The following MAK16 variants were observed in gnomAD, a reference collection of about 807,000 sequenced individuals.
MAK16 encodes MAK16 homolog, also known as protein MAK16 homolog.
In MAK16, 12 loss-of-function variants were observed where a neutral mutation model predicts 49.9. The observed-to-expected ratio is 0.24, with a 90% confidence interval of 0.15 to 0.39. MAK16 has a LOEUF of 0.39. MAK16 is among the 10% of genes least tolerant of loss of function. The pLI is 1.00. For synonymous variants in MAK16, 115 were observed against 126.4 expected (o/e 0.91, Z 0.60); for missense variants, 292 against 363.7 (o/e 0.80, Z 1.60).
rs1275239478 is a variant in MAK16 at position 33,489,590 on chromosome 8, G to T, written c.392+451G>T. Among the ~76,000 whole-genome samples, 1 of 152,060 alleles carries T rather than the reference G, an allele frequency of 6.6e-6. No homozygotes were observed. Among genetic ancestry groups the T allele is most frequent in the Non-Finnish European group, 1.5e-5 (1 of 68,020 alleles). On this transcript the variant is annotated intron_variant, in intron 5 of 9. Coordinates refer to ENST00000360128, the MANE Select transcript of MAK16 (RefSeq NM_032509.4). This position sits in a 1 kb window ranked among gnomAD's most constrained non-coding sequence, Gnocchi z 4.2. ...AGATGGGGTTTCACCATGTTGGCCA[G>T]GCTGGTCTAGAATTCCTGACCTCAA... is the stretch of plus-strand genomic sequence containing the variant.
chr8:33,496,127 C>T (rs1808854958), intron 7 of MAK16, among the ~76,000 whole-genome samples: 1 of 152,108 alleles, frequency 6.6e-6, no homozygotes, highest in African/African-American at 2.4e-5. Flanking sequence ...GAGACCTTTC[C>T]CTTTTTGCCA....
chr8:33,492,650 A>G (rs1808795899), intron 6 of MAK16, among the ~76,000 whole-genome samples: 1 of 152,054 alleles, frequency 6.6e-6, no homozygotes, highest in Non-Finnish European at 1.5e-5. Context: ...TATTGAAGAG[A>G]CTGTCTTTTC....
intron 1 of MAK16, among the ~76,000 whole-genome samples, chr8:33,485,961 G>A (rs1357910937): frequency 6.6e-6 from 1 of 152,158 alleles, no homozygotes; most frequent in African/African-American, 2.4e-5. Flanking sequence ...TTTGAGTTGA[G>A]ATCTAAAAGA....
intron 5 of MAK16, among the ~76,000 whole-genome samples, chr8:33,490,020 A>C (rs2676402): frequency 0.022 from 3,385 of 152,262 alleles, 60 homozygotes; most frequent in East Asian, 0.078. Flanking sequence ...AATACATGTA[A>C]AAATATATGA....
In MAK16 at chr8:33,499,583, C is replaced by G; in HGVS notation, c.*954C>G. 2 of 278,998 alleles carry G rather than the reference C, an allele frequency of 7.2e-6. No homozygotes were observed. The highest frequency in any genetic ancestry group is 1.4e-5 in the Non-Finnish European group (2 of 146,104). 17.3% of individuals were successfully genotyped at this position (278,998 alleles called of 1,614,324 possible). A position where few individuals can be genotyped will look rare whatever the true frequency, so the allele number is the denominator to read the frequency against. On this transcript the variant is annotated 3_prime_UTR_variant, in exon 10 of 10. Coordinates refer to ENST00000360128, the MANE Select transcript of MAK16 (RefSeq NM_032509.4). ...TTGGATCTAGGGCTTGAAAACTGCC[C>G]AAGATTAAAGAGCTAAGATGAAATA...
chr8:33,496,883 T>C, intron 8 of MAK16, 142 bp downstream of exon 8: 1 of 646,464 alleles, frequency 1.5e-6, no homozygotes, highest in East Asian at 2.8e-5. Flanking sequence ...TTAGCACTGG[T>C]TGCTCTGTTC....
chr8:33,485,596 C>T, intron 1 of MAK16: 1 of 338,544 alleles, frequency 3.0e-6, no homozygotes, highest in Non-Finnish European at 5.6e-6. Flanking sequence ...TCCTTCTCAT[C>T]CATGTGCGCG....
chr8:33,485,748 G>A (rs1284688671), intron 1 of MAK16: 2 of 159,240 alleles, frequency 1.3e-5, no homozygotes, highest in Admixed American at 1.2e-4. Context: ...AGTGTGCCAG[G>A]CATTGTGGTA....
intron 6 of MAK16, among the ~76,000 whole-genome samples, chr8:33,493,272 GC>G (rs1356507192): frequency 5.9e-5 from 9 of 152,262 alleles, no homozygotes; most frequent in Non-Finnish European, 1.0e-4. Flanking sequence ...TTGTGCCTCA[GC>G]CTCCCAAGTA....
intron 9 of MAK16, among the ~76,000 whole-genome samples, chr8:33,497,512 A>G (rs1421889894): frequency 6.6e-6 from 1 of 150,876 alleles, no homozygotes; most frequent in Non-Finnish European, 1.5e-5. Flanking sequence ...TTTTTTTTTT[A>G]GATGAAGTTT....
intron 1 of MAK16, among the ~76,000 whole-genome samples, chr8:33,486,522 A>G (rs1199191824): frequency 1.3e-5 from 2 of 152,248 alleles, no homozygotes; most frequent in African/African-American, 4.8e-5. Context: ...ACTGCACTCC[A>G]GCCTGGGTGA....
chr8:33,500,903 T>TA lies in MAK16; in HGVS notation c.*2275dup, dbSNP rs1406989101. The TA allele has an allele frequency of 6.2e-6, 1 of 160,314 alleles. No individual in the cohort carries two copies. The highest frequency in any genetic ancestry group is 1.8e-4 in the East Asian group (1 of 5,510). 9.9% of individuals were successfully genotyped at this position (160,314 alleles called of 1,614,324 possible). The stretch of plus-strand genomic sequence containing the variant: ...TTAATGCCATCTTAGGCCTGGAAGT[T>TA]AGAGTGAGGGAAATGAGCTTGGCTT... On this transcript the variant is annotated 3_prime_UTR_variant, in exon 10 of 10. Coordinates refer to ENST00000360128, the MANE Select transcript of MAK16 (RefSeq NM_032509.4).
intron 6 of MAK16, among the ~76,000 whole-genome samples, chr8:33,490,964 T>A (rs891557603): frequency 6.6e-6 from 1 of 152,212 alleles, no homozygotes; most frequent in African/African-American, 2.4e-5. Context: ...GTAACCATCC[T>A]TCTACTCTGT....
chr8:33,498,544 G>T lies in MAK16; in HGVS notation c.818G>T (p.Arg273Ile), dbSNP rs757924419. The change falls in exon 10 of 10, where the codon AGA becomes ATA. Residue 273 changes from arginine (R) to isoleucine (I), a missense_variant. Coordinates refer to ENST00000360128, the MANE Select transcript of MAK16 (RefSeq NM_032509.4). ...SAKHKGKMPLRGPLQRKRAYV... is the reference protein window; with the variant it reads ...SAKHKGKMPLIGPLQRKRAYV... ...AAACACAAAGGCAAAATGCCCTTGAGAGGACCACTGCAGAGAAAACGAGCC... is the reference window on the plus strand; with the variant it reads ...AAACACAAAGGCAAAATGCCCTTGATAGGACCACTGCAGAGAAAACGAGCC... 2 of 1,614,124 alleles carry T rather than the reference G, an allele frequency of 1.2e-6. No homozygotes were observed. Among genetic ancestry groups the T allele is most frequent in the South Asian group, 2.2e-5 (2 of 91,084 alleles).
rs1263815611 is a variant in MAK16 at position 33,485,511 on chromosome 8, GC to G, written c.15+291del. 1,288 of 323,466 alleles carry G rather than the reference GC, an allele frequency of 4.0e-3. 21 individuals carry two copies. In the African/African-American group the frequency reaches 0.09, roughly 23 times the overall value. The allele number at this position is 323,466 out of a possible 1,614,324, so 20.0% of individuals were successfully genotyped here. A position where few individuals can be genotyped will look rare whatever the true frequency, so the allele number is the denominator to read the frequency against. On this transcript the variant is annotated intron_variant, in intron 1 of 9. Coordinates refer to ENST00000360128, the MANE Select transcript of MAK16 (RefSeq NM_032509.4). Reference sequence around the variant, plus strand: ...TGCAGGACGTCGCGTCATGCTGTCAGCTGTCAGCTGTCAGCTCCGGACTTGG... The same window carrying G: ...TGCAGGACGTCGCGTCATGCTGTCAGTGTCAGCTGTCAGCTCCGGACTTGG...
intron 1 of MAK16, among the ~76,000 whole-genome samples, chr8:33,487,162 T>A (rs1335796644): frequency 1.3e-5 from 2 of 152,202 alleles, no homozygotes; most frequent in Non-Finnish European, 2.9e-5. Flanking sequence ...TTAGACCTGC[T>A]ATTTTGTGAT....
intron 1 of MAK16, 175 bp downstream of exon 1, chr8:33,485,396 T>TACTGCCC: frequency 1.2e-6 from 1 of 809,770 alleles, no homozygotes; most frequent in Non-Finnish European, 2.0e-6. Context: ...AGCAGGGGTT[T>TACTGCCC]ACTGCCCGCT....
intron 6 of MAK16, among the ~76,000 whole-genome samples, chr8:33,493,694 C>G (rs1269881765): frequency 2.0e-5 from 3 of 151,644 alleles, no homozygotes; most frequent in Admixed American, 1.3e-4. Flanking sequence ...AGTTGTCAAA[C>G]AGGTGTTCCT....
intron 1 of MAK16, among the ~76,000 whole-genome samples, 171 bp from the exon 2 acceptor site, chr8:33,488,207 C>T (rs1443651287): frequency 9.2e-5 from 14 of 152,170 alleles, no homozygotes; most frequent in African/African-American, 2.2e-4. Flanking sequence ...GGATTACAGG[C>T]GTGAGCCACC....
Sources: allele counts gnomAD v4.1 joint callset (sites outside exome capture counted in the v4.1 genomes callset), GRCh38; gene constraint gnomAD v4.1.1; non-coding constraint Gnocchi (gnomAD v3.1); transcripts MANE v1.5; gene names NCBI Gene and HGNC (gene_info 2026-07-23, HGNC 2026-07-21).